Variants in CDH4 observed in about 807,000 individuals in gnomAD.
CDH4 encodes cadherin 4.
Under a neutral mutation model 86.0 loss-of-function variants are expected in CDH4, and 33 were observed. The ratio of observed to expected loss-of-function variants is 0.38; its 90% CI spans 0.29 to 0.51. The LOEUF (loss-of-function observed/expected upper bound fraction) is 0.51, where lower values mean the gene tolerates loss of function less well. CDH4 is among the 20% of genes least tolerant of loss of function. The probability of loss-of-function intolerance (pLI) is 0.86; values close to 1 mark genes in which losing one functional copy is unlikely to be tolerated. For synonymous variants in CDH4, 555 were observed against 549.4 expected (o/e 1.01, Z -0.14); for missense variants, 1,114 against 1,307.4 (o/e 0.85, Z 2.28).
chr20:61,327,121 C>T (rs1323978854), intron 2 of CDH4, among the ~76,000 whole-genome samples: 1 of 152,088 alleles, frequency 6.6e-6, no homozygotes, highest in Non-Finnish European at 1.5e-5. Flanking sequence ...GTGAAGTGGT[C>T]TACTGGAAGC....
At chr20:61,718,565 A>C (rs571312991) in intron 2 of CDH4, 4 of 341,366 alleles carry the variant, frequency 1.2e-5, no homozygotes, top group African/African-American at 8.6e-5. Flanking sequence ...ATCACAGCCA[A>C]GCACCACCTG....
In CDH4 at chr20:61,396,229, C is replaced by T. The variant is rs547788034; in HGVS notation, c.169+141292C>T. 4.3e-4 allele frequency among the ~76,000 whole-genome samples: 65 copies of T among 152,156 alleles called. 1 individual carries two copies. The highest frequency in any genetic ancestry group is 7.2e-4 in the Non-Finnish European group (49 of 67,986). On this transcript the variant is annotated intron_variant, in intron 2 of 15. Transcript: ENST00000614565. The stretch of plus-strand genomic sequence containing the variant: ...AAAGTGGTTATTCCCAAACTCAGGT[C>T]GGGGTGGAGGGTGAGGGCCACATCC...
At chr20:61,587,151 AGAGCCCAGT>A in intron 2 of CDH4, among the ~76,000 whole-genome samples, 1 of 152,320 alleles carries the variant, frequency 6.6e-6, no homozygotes, top group Admixed American at 6.5e-5. Context: ...AGAATCCAAG[AGAGCCCAGT>A]GGGGAGGACA....
At chr20:61,292,363 T>C (rs1198533977) in intron 2 of CDH4, among the ~76,000 whole-genome samples, 1 of 152,274 alleles carries the variant, frequency 6.6e-6, no homozygotes, top group African/African-American at 2.4e-5. Context: ...GATAAGGATG[T>C]GAAACGCATC....
At position 61,807,531 on chromosome 20, in the gene CDH4, G is replaced by A. The variant is rs544994835; in HGVS notation, c.576+34349G>A. On this transcript the variant is annotated intron_variant, in intron 4 of 15. Coordinates refer to ENST00000614565, the MANE Select transcript of CDH4 (RefSeq NM_001794.5). This position sits in a 1 kb window ranked among gnomAD's most constrained non-coding sequence, Gnocchi z 4.5. ...TGGGAAGTTGCAGCCCTTTCTCCCCGTCAAGGTGCAGCTGTGTCCACCATC... is the reference window on the plus strand; with the variant it reads ...TGGGAAGTTGCAGCCCTTTCTCCCCATCAAGGTGCAGCTGTGTCCACCATC... Among the ~76,000 whole-genome samples the A allele has an allele frequency of 3.9e-5, 6 of 152,290 alleles. No homozygotes were observed. The South Asian group carries it at 8.3e-4, about 21-fold the overall frequency.
intron 2 of CDH4, among the ~76,000 whole-genome samples, chr20:61,722,634 C>A (rs868200055): frequency 7.1e-6 from 1 of 141,098 alleles, no homozygotes; most frequent in Admixed American, 6.8e-5. Context: ...GGCGCCCCCC[C>A]ACCCCCCACG....
chr20:61,528,348 G>A, intron 2 of CDH4, among the ~76,000 whole-genome samples: 1 of 149,318 alleles, frequency 6.7e-6, no homozygotes, highest in Non-Finnish European at 1.5e-5. Flanking sequence ...TTGCACTCCA[G>A]CCCGGGTGAA....
chr20:61,317,372 G>C (rs1187921928), intron 2 of CDH4, among the ~76,000 whole-genome samples: 1 of 152,168 alleles, frequency 6.6e-6, no homozygotes, highest in South Asian at 2.1e-4. Flanking sequence ...ATAAATTAAG[G>C]CGCCTTTGCC....
intron 2 of CDH4, among the ~76,000 whole-genome samples, chr20:61,655,970 G>T (rs1040004639): frequency 2.6e-5 from 4 of 152,220 alleles, no homozygotes; most frequent in African/African-American, 9.6e-5. Flanking sequence ...AGGCTCGAGG[G>T]TGACAGCTTC....
intron 2 of CDH4, among the ~76,000 whole-genome samples, chr20:61,368,569 TCTTA>T (rs1320875429): frequency 2.6e-5 from 4 of 151,316 alleles, no homozygotes; most frequent in Non-Finnish European, 4.4e-5. Context: ...TGAGACAGAG[TCTTA>T]CTGTGTCACC....
chr20:61,273,331 G>A (rs1433225661), intron 2 of CDH4, among the ~76,000 whole-genome samples: 1 of 137,946 alleles, frequency 7.2e-6, no homozygotes, highest in Admixed American at 7.4e-5. Flanking sequence ...TGTGCAGTTT[G>A]GGAGAGTACC....
In CDH4 at chr20:61,535,191, C is replaced by T. The variant is rs182785305; in HGVS notation, c.170-208372C>T. Among the ~76,000 whole-genome samples the T allele has an allele frequency of 1.8e-3, 271 of 152,350 alleles. 1 individual carries two copies. Among genetic ancestry groups the T allele is most frequent in the African/African-American group, 6.2e-3 (259 of 41,586 alleles). ...ATTGCCATGACTGATTCCTATTTCA[C>T]AGGCGAGGAAGCTGAGGCTCAGAAG... On this transcript the variant is annotated intron_variant, in intron 2 of 15. Transcript: ENST00000614565.
rs566988955 is a variant in CDH4, at chr20:61,336,582, C to T, written c.169+81645C>T. On this transcript the variant is annotated intron_variant, in intron 2 of 15. Coordinates refer to ENST00000614565, the MANE Select transcript of CDH4 (RefSeq NM_001794.5). ...CAGCCTCCCTTGATCAATGCCAAGC[C>T]TGTGTGCAGAGCAGGTCCTTGCTAA... Among the ~76,000 whole-genome samples the T allele has an allele frequency of 2.0e-5, 3 of 152,274 alleles. No individual in the cohort carries two copies. In the South Asian group the frequency reaches 6.2e-4, roughly 32 times the overall value.
Position 61,392,377 on chromosome 20 carries a change from A to T in CDH4, c.169+137440A>T, listed in dbSNP as rs1361416387. Among the ~76,000 whole-genome samples, 1 of 152,060 alleles carries T rather than the reference A, an allele frequency of 6.6e-6. No homozygotes were observed. The highest frequency in any genetic ancestry group is 1.5e-5 in the Non-Finnish European group (1 of 68,008). Reference sequence around the variant, plus strand: ...AGTCCCACGCTGCTCAGTATGCATGATCACAGGGCGCCACCGGGATGGAAC... The same window carrying T: ...AGTCCCACGCTGCTCAGTATGCATGTTCACAGGGCGCCACCGGGATGGAAC... On this transcript the variant is annotated intron_variant, in intron 2 of 15. Transcript: ENST00000614565. The surrounding 1 kb of genome is among the most constrained non-coding windows in gnomAD (Gnocchi z 5.7).
At chr20:61,285,166 G>A (rs1285066268) in intron 2 of CDH4, among the ~76,000 whole-genome samples, 1 of 151,948 alleles carries the variant, frequency 6.6e-6, no homozygotes, top group East Asian at 1.9e-4. Flanking sequence ...CAGCCTCTTT[G>A]GCCCTCCTAG....
intron 2 of CDH4, among the ~76,000 whole-genome samples, chr20:61,413,638 C>T (rs2085131860): frequency 6.6e-6 from 1 of 152,242 alleles, no homozygotes; most frequent in South Asian, 2.1e-4. Context: ...CTGGCCATGG[C>T]CTGGCGCTGG....
chr20:61,452,781 C>A (rs1356866240), intron 2 of CDH4, among the ~76,000 whole-genome samples: 2 of 152,108 alleles, frequency 1.3e-5, no homozygotes, highest in African/African-American at 4.8e-5. Flanking sequence ...GACAGTAAAA[C>A]CTTGAGAAAG....
chr20:61,798,734 G>C (rs964525817), intron 4 of CDH4, among the ~76,000 whole-genome samples: 2 of 152,262 alleles, frequency 1.3e-5, no homozygotes, highest in Non-Finnish European at 2.9e-5. Context: ...TTGCAGAAGA[G>C]GAGAGGGCCG....
intron 2 of CDH4, among the ~76,000 whole-genome samples, chr20:61,737,478 G>A (rs984046581): frequency 2.0e-5 from 3 of 152,274 alleles, no homozygotes; most frequent in African/African-American, 7.2e-5. Flanking sequence ...CCCCCGGCCT[G>A]ACTAGGGCCC....
Sources: allele counts gnomAD v4.1 joint callset (sites outside exome capture counted in the v4.1 genomes callset), GRCh38; gene constraint gnomAD v4.1.1; non-coding constraint Gnocchi (gnomAD v3.1); transcripts MANE v1.5; gene names NCBI Gene and HGNC (gene_info 2026-07-23, HGNC 2026-07-21).